ENOX1: variants seen among roughly 807,000 people sequenced by gnomAD.
ENOX1 encodes ecto-NOX disulfide-thiol exchanger 1, also known as candidate growth-related and time keeping constitutive hydroquinone (NADH) oxidase.
ENOX1 carries 42 observed loss-of-function variants against 82.5 expected under a neutral mutation model. That is an observed-to-expected ratio of 0.51 (90% CI 0.40 to 0.66). The LOEUF (loss-of-function observed/expected upper bound fraction) is 0.66, where lower values mean the gene tolerates loss of function less well. Among genes scored for constraint, ENOX1 ranks in the 30% least tolerant of loss-of-function variants. The pLI, the probability that ENOX1 is intolerant of heterozygous loss-of-function variation, is 0.00. For missense variants in ENOX1, 608 were observed against 811.6 expected (o/e 0.75, Z 3.05); for synonymous variants, 271 against 282.2 (o/e 0.96, Z 0.40).
chr13:43,272,211 A>G (rs1440623472), intron 12 of ENOX1, among the ~76,000 whole-genome samples: 1 of 152,176 alleles, frequency 6.6e-6, no homozygotes, highest in Non-Finnish European at 1.5e-5. Flanking sequence ...CTGATGGGGT[A>G]TATCCACCCC....
In ENOX1 at chr13:43,503,604, C is replaced by T. The variant is rs140104478; in HGVS notation, c.-218-19452G>A. 5.6e-4 allele frequency among the ~76,000 whole-genome samples: 85 copies of T among 151,692 alleles called. No homozygotes were observed. In the East Asian group the frequency reaches 0.015, roughly 28 times the overall value. On this transcript the variant is annotated intron_variant, in intron 2 of 16. Coordinates refer to ENST00000690772, the MANE Select transcript of ENOX1 (RefSeq NM_001347969.2). ...GCATGTAAGATCCAATGATCTGCAA[C>T]AAGGGTGCCAAGACTAAACAAATGA...
chr13:43,373,421 C>T lies in ENOX1; in HGVS notation c.209-11969G>A, dbSNP rs74819701. Among the ~76,000 whole-genome samples, 174 of 152,276 alleles carry T rather than the reference C, an allele frequency of 1.1e-3. 3 individuals carry two copies. The East Asian group carries it at 0.031, about 27-fold the overall frequency. ...AGCATTGGGACCTGTTTCCTCTCTGCTTTTTCTGCCAGGAAGATTAGGTGT... is the reference window on the plus strand; with the variant it reads ...AGCATTGGGACCTGTTTCCTCTCTGTTTTTTCTGCCAGGAAGATTAGGTGT... On this transcript the variant is annotated intron_variant, in intron 5 of 16. Coordinates refer to ENST00000690772, the MANE Select transcript of ENOX1 (RefSeq NM_001347969.2).
chr13:43,325,099 G>A (rs1324781530), intron 10 of ENOX1, among the ~76,000 whole-genome samples: 2 of 152,090 alleles, frequency 1.3e-5, no homozygotes, highest in African/African-American at 2.4e-5. Flanking sequence ...ATCACAAACA[G>A]AGGACTCTTT....
chr13:43,335,312 T>C (rs1030826028), intron 9 of ENOX1, among the ~76,000 whole-genome samples: 4 of 152,238 alleles, frequency 2.6e-5, no homozygotes, highest in African/African-American at 4.8e-5. Context: ...GTACTTCTCT[T>C]TCAGTTACGC....
intron 2 of ENOX1, among the ~76,000 whole-genome samples, chr13:43,571,870 G>GTA (rs1262880947): frequency 6.6e-6 from 1 of 152,112 alleles, no homozygotes; most frequent in Non-Finnish European, 1.5e-5. Flanking sequence ...TTGTGTGTGT[G>GTA]TATATATCAG....
At chr13:43,402,260 A>G (rs1372912718) in intron 5 of ENOX1, among the ~76,000 whole-genome samples, 1 of 152,254 alleles carries the variant, frequency 6.6e-6, no homozygotes, top group East Asian at 1.9e-4. Flanking sequence ...AGAAAAATAA[A>G]TCATGGATGT....
chr13:43,599,704 G>C (rs536668582), intron 2 of ENOX1, among the ~76,000 whole-genome samples: 1 of 151,644 alleles, frequency 6.6e-6, no homozygotes, highest in Non-Finnish European at 1.5e-5. Flanking sequence ...GCAGCCAAAG[G>C]AGTGCGAGTA....
chr13:43,235,387 C>G (rs990925784), intron 15 of ENOX1, among the ~76,000 whole-genome samples: 3 of 152,174 alleles, frequency 2.0e-5, no homozygotes, highest in African/African-American at 7.2e-5. Context: ...GCCAGCTTCT[C>G]TAGGTCCTGT....
intron 2 of ENOX1, among the ~76,000 whole-genome samples, chr13:43,585,890 T>C (rs2080958057): frequency 6.6e-6 from 1 of 152,262 alleles, no homozygotes; most frequent in Non-Finnish European, 1.5e-5. Context: ...TTTTGTTTTA[T>C]TTTTATTAAC....
At chr13:43,247,860 TATATATA>T (rs2043194310) in intron 14 of ENOX1, among the ~76,000 whole-genome samples, 70 of 3,944 alleles carry the variant, frequency 0.018, 5 homozygotes, top group South Asian at 0.036. Context: ...TATATATATA[TATATATA>T]TATATATATA....
chr13:43,224,004 A>C, intron 16 of ENOX1, 49 bp downstream of exon 16: 5 of 1,428,256 alleles, frequency 3.5e-6, no homozygotes, highest in Non-Finnish European at 3.9e-6. Flanking sequence ...GGCAGCAATC[A>C]ACATGCTAAA....
intron 2 of ENOX1, among the ~76,000 whole-genome samples, chr13:43,577,030 A>G (rs1050310079): frequency 1.3e-5 from 2 of 152,260 alleles, no homozygotes; most frequent in African/African-American, 4.8e-5. Flanking sequence ...CACTGAAGAT[A>G]CAAGTATAAT....
chr13:43,326,325 C>A (rs2048112106), intron 10 of ENOX1, 94 bp downstream of exon 10: 7 of 1,011,580 alleles, frequency 6.9e-6, no homozygotes, highest in African/African-American at 1.6e-5. Flanking sequence ...GCGGACTGCC[C>A]ACTATAACAG....
At position 43,236,691 on chromosome 13, in the gene ENOX1, G is replaced by A. The variant is rs1170167446; in HGVS notation, c.1659C>T (p.Asn553=). 1.3e-6 allele frequency: 2 copies of A among 1,587,892 alleles called. No individual in the cohort carries two copies. The highest frequency in any genetic ancestry group is 4.6e-5 in the East Asian group (2 of 43,572). The change falls in exon 15 of 17, where the codon AAC becomes AAT. Residue 553 remains asparagine, a synonymous_variant. Coordinates refer to ENST00000690772, the MANE Select transcript of ENOX1 (RefSeq NM_001347969.2). ...AGCCTTGGCTTCTTTTCTCAATATT[G>A]TTCTCTCGGTCTTGGTTGACTAATG... ...TVALVNQDRE[N]NIEKRSQGLK...
intron 11 of ENOX1, among the ~76,000 whole-genome samples, chr13:43,300,973 TGA>T (rs959109468): frequency 3.3e-5 from 5 of 152,120 alleles, no homozygotes; most frequent in Non-Finnish European, 5.9e-5. Flanking sequence ...GTCCACACCC[TGA>T]GATACCACCT....
chr13:43,708,627 A>C (rs1032065821), intron 1 of ENOX1, among the ~76,000 whole-genome samples: 22 of 152,216 alleles, frequency 1.4e-4, no homozygotes, highest in African/African-American at 5.1e-4. Flanking sequence ...AATTTTCAAC[A>C]GAAGCACCAA....
At chr13:43,752,468 C>A (rs961052791) in intron 1 of ENOX1, among the ~76,000 whole-genome samples, 2 of 152,142 alleles carry the variant, frequency 1.3e-5, no homozygotes, top group African/African-American at 4.8e-5. Flanking sequence ...CCCAATCTCA[C>A]AAAGATTATT....
At chr13:43,374,897 G>A (rs1346061910) in intron 5 of ENOX1, among the ~76,000 whole-genome samples, 4 of 152,150 alleles carry the variant, frequency 2.6e-5, no homozygotes, top group Admixed American at 2.6e-4. Context: ...TCTCCAGGGT[G>A]GTAAAGAGCA....
intron 2 of ENOX1, among the ~76,000 whole-genome samples, chr13:43,593,015 A>T (rs2081310611): frequency 6.6e-6 from 1 of 152,224 alleles, no homozygotes; most frequent in African/African-American, 2.4e-5. Context: ...TTAGTTATTC[A>T]GCAGCAACGC....
Sources: allele counts gnomAD v4.1 joint callset (sites outside exome capture counted in the v4.1 genomes callset), GRCh38; gene constraint gnomAD v4.1.1; transcripts MANE v1.5; gene names NCBI Gene and HGNC (gene_info 2026-07-23, HGNC 2026-07-21).